ITGBL1: variants seen among roughly 807,000 people sequenced by gnomAD.
ITGBL1 encodes the protein integrin subunit beta like 1, also known as integrin beta-like protein 1.
Under a neutral mutation model 68.5 loss-of-function variants are expected in ITGBL1, and 51 were observed. The observed-to-expected ratio is 0.74, with a 90% confidence interval of 0.59 to 0.94. The LOEUF is 0.94. Ranked by LOEUF, ITGBL1 falls within the 40% of genes least tolerant of loss-of-function variation. The probability of loss-of-function intolerance (pLI) is 0.00; values close to 1 mark genes in which losing one functional copy is unlikely to be tolerated. For missense variants in ITGBL1, 649 were observed against 647.4 expected (o/e 1.00, Z -0.03); for synonymous variants, 209 against 227.3 (o/e 0.92, Z 0.72).
At chr13:101,559,123 G>C (rs2050059149) in intron 2 of ITGBL1, among the ~76,000 whole-genome samples, 1 of 152,090 alleles carries the variant, frequency 6.6e-6, no homozygotes, top group South Asian at 2.1e-4. Flanking sequence ...ATGATTATCT[G>C]CAATACTTTA....
At chr13:101,633,050 A>T (rs2032039515) in intron 7 of ITGBL1, among the ~76,000 whole-genome samples, 1 of 152,206 alleles carries the variant, frequency 6.6e-6, no homozygotes, top group Non-Finnish European at 1.5e-5. Flanking sequence ...CTGGTCCAGG[A>T]TAGATGAGTG....
intron 2 of ITGBL1, among the ~76,000 whole-genome samples, chr13:101,460,176 T>C (rs2048299158): frequency 6.6e-6 from 1 of 152,200 alleles, no homozygotes; most frequent in Admixed American, 6.5e-5. Context: ...CTAGCCCATC[T>C]TGGATTTACC....
intron 2 of ITGBL1, 45 bp downstream of exon 2, chr13:101,454,145 T>G (rs184246349): frequency 2.1e-6 from 3 of 1,419,614 alleles, no homozygotes; most frequent in Non-Finnish European, 2.8e-6. Context: ...TCGAAACTCC[T>G]CTTCTGGGAT....
intron 2 of ITGBL1, among the ~76,000 whole-genome samples, chr13:101,464,739 T>A (rs1169794497): frequency 6.6e-6 from 1 of 152,138 alleles, no homozygotes; most frequent in Non-Finnish European, 1.5e-5. Flanking sequence ...GCCATACATA[T>A]GTGAATATGT....
At chr13:101,468,171 T>C (rs958957162) in intron 2 of ITGBL1, among the ~76,000 whole-genome samples, 1 of 152,196 alleles carries the variant, frequency 6.6e-6, no homozygotes, top group African/African-American at 2.4e-5. Flanking sequence ...ATAGACTATT[T>C]TCTTTTCTTT....
chr13:101,705,006 T>TTG (rs145522542), intron 8 of ITGBL1, among the ~76,000 whole-genome samples: 3 of 152,276 alleles, frequency 2.0e-5, no homozygotes, highest in East Asian at 3.9e-4. Context: ...CACTTGCTGA[T>TTG]TGAGTGCATG....
Position 101,706,836 on chromosome 13 carries a change from A to G in ITGBL1, c.1213A>G (p.Asn405Asp), listed in dbSNP as rs74860845. Reference protein sequence around the residue: ...GKLCQHPRKCNMTEEQSKNLC... With the variant: ...GKLCQHPRKCDMTEEQSKNLC... ...GCTCTGCCAACATCCGCGGAAGTGT[A>G]ACATGACGGAAGAACAAAGCAAGAA... Residue 405 changes from asparagine to aspartate, a missense_variant, in exon 9 of 11, where the codon AAC becomes GAC. By Grantham distance (23) the Asn-to-Asp change is conservative (BLOSUM62 1). Coordinates refer to ENST00000376180, the MANE Select transcript of ITGBL1 (RefSeq NM_004791.3). 1 of 1,614,090 alleles carries G rather than the reference A, an allele frequency of 6.2e-7. No homozygotes were observed. Among genetic ancestry groups the G allele is most frequent in the East Asian group, 2.2e-5 (1 of 44,894 alleles).
At chr13:101,513,173 T>C (rs2049142619) in intron 2 of ITGBL1, among the ~76,000 whole-genome samples, 1 of 152,076 alleles carries the variant, frequency 6.6e-6, no homozygotes, top group Admixed American at 6.6e-5. Flanking sequence ...TCCTTTTTCT[T>C]CAGTGGAACC....
At chr13:101,491,911 C>T (rs1007271145) in intron 2 of ITGBL1, among the ~76,000 whole-genome samples, 1 of 152,134 alleles carries the variant, frequency 6.6e-6, no homozygotes, top group South Asian at 2.1e-4. Flanking sequence ...GGTTAGTTTG[C>T]TGAGAATGGT....
At chr13:101,470,865 G>T (rs1269796508) in intron 2 of ITGBL1, among the ~76,000 whole-genome samples, 1 of 150,552 alleles carries the variant, frequency 6.6e-6, no homozygotes, top group African/African-American at 2.4e-5. Flanking sequence ...ATTTAGAATT[G>T]CTACATCCTT....
chr13:101,617,505 C>T (rs545352929), intron 7 of ITGBL1, among the ~76,000 whole-genome samples: 1 of 152,138 alleles, frequency 6.6e-6, no homozygotes, highest in Non-Finnish European at 1.5e-5. Flanking sequence ...TGAGTACAAC[C>T]TGGCATCCTA....
At chr13:101,478,027 A>C (rs193219744) in intron 2 of ITGBL1, among the ~76,000 whole-genome samples, 91 of 152,230 alleles carry the variant, frequency 6.0e-4, no homozygotes, top group African/African-American at 1.9e-3. Flanking sequence ...ACAAAAACAC[A>C]TCAAAGTAAG....
At chr13:101,464,858 C>A (rs1173596717) in intron 2 of ITGBL1, among the ~76,000 whole-genome samples, 1 of 152,144 alleles carries the variant, frequency 6.6e-6, no homozygotes, top group Non-Finnish European at 1.5e-5. Context: ...AGACCACTAC[C>A]TGCAGATCGA....
intron 2 of ITGBL1, among the ~76,000 whole-genome samples, chr13:101,496,765 C>A (rs779981505): frequency 3.3e-5 from 5 of 152,176 alleles, no homozygotes; most frequent in Non-Finnish European, 7.3e-5. Context: ...GAGCTGAATT[C>A]TTCCTGTTCT....
At chr13:101,496,254 C>G (rs1375074800) in intron 2 of ITGBL1, among the ~76,000 whole-genome samples, 1 of 152,166 alleles carries the variant, frequency 6.6e-6, no homozygotes, top group African/African-American at 2.4e-5. Context: ...TAGTGTTCAG[C>G]AGGGACACAG....
intron 7 of ITGBL1, among the ~76,000 whole-genome samples, chr13:101,610,366 G>C (rs2031066221): frequency 6.6e-6 from 1 of 152,080 alleles, no homozygotes; most frequent in South Asian, 2.1e-4. Flanking sequence ...TCACATAGCT[G>C]ATCAGAACCT....
At chr13:101,585,880 C>G (rs147858069) in intron 6 of ITGBL1, among the ~76,000 whole-genome samples, 13 of 152,126 alleles carry the variant, frequency 8.5e-5, no homozygotes, top group Non-Finnish European at 1.6e-4. Context: ...GGTATTCACT[C>G]TCTTGTGAAA....
chr13:101,564,008 A>G (rs543846391), intron 2 of ITGBL1, among the ~76,000 whole-genome samples: 12 of 152,090 alleles, frequency 7.9e-5, no homozygotes, highest in African/African-American at 2.9e-4. Flanking sequence ...AACATTAAAA[A>G]ATCAACCAAT....
chr13:101,551,308 T>C (rs1293732730), intron 2 of ITGBL1, among the ~76,000 whole-genome samples: 2 of 152,192 alleles, frequency 1.3e-5, no homozygotes, highest in Non-Finnish European at 2.9e-5. Context: ...TCGCCTAATG[T>C]AGTACTGATT....
Sources: gnomAD v4.1 joint callset for allele counts (sites outside exome capture counted in the v4.1 genomes callset) on GRCh38, gnomAD v4.1.1 for gene constraint, MANE v1.5 for transcripts, NCBI Gene and HGNC (gene_info 2026-07-23, HGNC 2026-07-21) for gene names.